The following ZNF639 variants were observed in gnomAD, a reference collection of about 807,000 sequenced individuals.
ZNF639 encodes zinc finger protein 639.
Under a neutral mutation model 39.8 loss-of-function variants are expected in ZNF639, and 20 were observed. That is an observed-to-expected ratio of 0.50 (90% CI 0.35 to 0.73). ZNF639 has a LOEUF of 0.73. Among genes scored for constraint, ZNF639 ranks in the 30% least tolerant of loss-of-function variants. The pLI, the probability that ZNF639 is intolerant of heterozygous loss-of-function variation, is 0.00. For missense variants in ZNF639, 477 were observed against 566.2 expected, an observed-to-expected ratio of 0.84 and a Z score of 1.60; for synonymous variants, 176 against 189.8, an observed-to-expected ratio of 0.93 and a Z score of 0.60.
At position 179,338,478 on chromosome 3, in the gene ZNF639, TG is replaced by T. The variant is rs1711644835; in HGVS notation, c.*4057del. 6.6e-6 allele frequency: 1 copy of T among 152,240 alleles called. No homozygotes were observed. Among genetic ancestry groups the T allele is most frequent in the Non-Finnish European group, 1.5e-5 (1 of 68,044 alleles). The allele number at this position is 152,240 out of a possible 1,614,324, so 9.4% of individuals were successfully genotyped here. A position where few individuals can be genotyped will look rare whatever the true frequency, so the allele number is the denominator to read the frequency against. Reference sequence around the variant, plus strand: ...ACGTTTCTCTGAATTGTATATTATTTGTCAATTTCACAGTTTCTATAATCTA... The same window carrying T: ...ACGTTTCTCTGAATTGTATATTATTTTCAATTTCACAGTTTCTATAATCTA... On this transcript the variant is annotated 3_prime_UTR_variant, in exon 6 of 6. Coordinates refer to ENST00000496856, the MANE Select transcript of ZNF639 (RefSeq NM_001303426.2).
At chr3:179,329,909 C>CTTTTT (rs71181282) in intron 4 of ZNF639, 181 bp downstream of exon 4, 23 of 208,666 alleles carry the variant, frequency 1.1e-4, no homozygotes, top group African/African-American at 2.4e-4. Context: ...TTTAACTATT[C>CTTTTT]TTTTTTTTTT....
rs1010774607 is a variant in ZNF639, at chr3:179,337,236, G to A, written c.*2814G>A. 2 of 150,738 alleles carry A rather than the reference G, an allele frequency of 1.3e-5. No individual in the cohort carries two copies. The highest frequency in any genetic ancestry group is 4.9e-5 in the African/African-American group (2 of 40,890). 9.3% of individuals were successfully genotyped at this position (150,738 alleles called of 1,614,324 possible). ...AGATCGCGCCACCACATTCCAGCCT[G>A]GGTGACAGAGTGAGACTGTCTCAAA... On this transcript the variant is annotated 3_prime_UTR_variant, in exon 6 of 6. Transcript: ENST00000496856.
Position 179,334,425 on chromosome 3 carries a change from ATTCTC to A in ZNF639, c.*6_*10del, listed in dbSNP as rs771918145. On this transcript the variant is annotated 3_prime_UTR_variant, in exon 6 of 6. Coordinates refer to ENST00000496856, the MANE Select transcript of ZNF639 (RefSeq NM_001303426.2). ...TTCCAGTCCATGAGACAACTTGATT[ATTCTC>A]TTTAACTTACAGAATGTTAGTTTAA... 2.6e-6 allele frequency: 4 copies of A among 1,516,070 alleles called. No homozygotes were observed. Among genetic ancestry groups the A allele is most frequent in the Non-Finnish European group, 2.6e-6 (3 of 1,135,222 alleles). 93.9% of individuals were successfully genotyped at this position (1,516,070 alleles called of 1,614,324 possible). A position where few individuals can be genotyped will look rare whatever the true frequency, so the allele number is the denominator to read the frequency against.
chr3:179,322,929 G>A (rs1727357834), upstream of ZNF639: 3 of 985,006 alleles, frequency 3.0e-6, no homozygotes, highest in Admixed American at 1.2e-4. Context: ...CCGGGGCTGC[G>A]GGCCGGTGGT....
Position 179,333,628 on chromosome 3 carries a change from C to T in ZNF639, c.664C>T (p.His222Tyr). Reference protein sequence around the residue: ...NSKYFSDLKQHMILKHKRTDS... With the variant: ...NSKYFSDLKQYMILKHKRTDS... ...CAAATATTTTTCTGACTTAAAGCAGCATATGATCCTGAAGCATAAACGTAC... is the reference window on the plus strand; with the variant it reads ...CAAATATTTTTCTGACTTAAAGCAGTATATGATCCTGAAGCATAAACGTAC... The change falls in exon 6 of 6, where the codon CAT becomes TAT. Residue 222 changes from histidine to tyrosine, a missense_variant. By Grantham distance (83) the His-to-Tyr change is moderately conservative. Transcript: ENST00000496856. 6.2e-7 allele frequency: 1 copy of T among 1,614,144 alleles called. No individual in the cohort carries two copies. The highest frequency in any genetic ancestry group is 1.1e-5 in the South Asian group (1 of 91,086).
At position 179,334,096 on chromosome 3, in the gene ZNF639, G is replaced by T. The variant is rs774184463; in HGVS notation, c.1132G>T (p.Val378Leu). The change falls in exon 6 of 6, where the codon GTA becomes TTA. Residue 378 changes from valine to leucine, a missense_variant. Transcript: ENST00000496856. ...DKCKNFFVCQ[V>L]CGFRSRLHTN... The stretch of plus-strand genomic sequence containing the variant: ...ATGTAAAAACTTCTTTGTATGTCAA[G>T]TATGTGGTTTTCGGAGTAGACTTCA... 6.2e-7 allele frequency: 1 copy of T among 1,613,934 alleles called. No homozygotes were observed. The highest frequency in any genetic ancestry group is 1.7e-5 in the Admixed American group (1 of 59,998).
In ZNF639 at chr3:179,333,788, T is replaced by C. The variant is rs750083683; in HGVS notation, c.824T>C (p.Leu275Pro). ...TATAAGACAGTAATTTTTGAGAACC[T>C]CAGCCAGCACATTGCAGACACCCAT... Reference protein sequence around the residue: ...CDYKTVIFENLSQHIADTHFS... With the variant: ...CDYKTVIFENPSQHIADTHFS... Residue 275 changes from leucine (L) to proline (P), a missense_variant, in exon 6 of 6, where the codon CTC (leucine) becomes CCC (proline). Transcript: ENST00000496856. 1.2e-6 allele frequency: 2 copies of C among 1,614,178 alleles called. No homozygotes were observed. The highest frequency in any genetic ancestry group is 1.7e-6 in the Non-Finnish European group (2 of 1,180,036).
At chr3:179,331,636 G>C (rs755620303) in intron 4 of ZNF639, among the ~76,000 whole-genome samples, 1 of 151,974 alleles carries the variant, frequency 6.6e-6, no homozygotes, top group Non-Finnish European at 1.5e-5. Flanking sequence ...TTAGCTGGGC[G>C]TGGTGGTGCG....
chr3:179,329,143 C>T (rs1047213551), intron 3 of ZNF639, among the ~76,000 whole-genome samples: 3 of 152,202 alleles, frequency 2.0e-5, no homozygotes, highest in African/African-American at 7.2e-5. Context: ...ACCCAGCCTA[C>T]ACATTCTTCA....
At chr3:179,325,905 C>T (rs190326711) in intron 1 of ZNF639, among the ~76,000 whole-genome samples, 1 of 151,376 alleles carries the variant, frequency 6.6e-6, no homozygotes, top group Admixed American at 6.6e-5. Context: ...ATAAAATAAA[C>T]TGAAAAAGCA....
In ZNF639 at chr3:179,334,079, ACTT is replaced by A; in HGVS notation, c.1119_1121del (p.Phe374del). 6.2e-7 allele frequency: 1 copy of A among 1,613,694 alleles called. No homozygotes were observed. The highest frequency in any genetic ancestry group is 8.5e-7 in the Non-Finnish European group (1 of 1,179,770). On this transcript the variant is annotated inframe_deletion, in exon 6 of 6. Coordinates refer to ENST00000496856, the MANE Select transcript of ZNF639 (RefSeq NM_001303426.2). ...AAAATTACCTTTGACAAATGTAAAA[ACTT>A]CTTTGTATGTCAAGTATGTGGTTTT...
chr3:179,337,817 G>GA lies in ZNF639; in HGVS notation c.*3397dup. On this transcript the variant is annotated 3_prime_UTR_variant, in exon 6 of 6. Coordinates refer to ENST00000496856, the MANE Select transcript of ZNF639 (RefSeq NM_001303426.2). ...GAGCCTTGCTCTGTCGCCCAGACTG[G>GA]AATGCAGTGGCGTGATCTTGGCTCG... 1 of 152,240 alleles carries GA rather than the reference G, an allele frequency of 6.6e-6. No homozygotes were observed. Among genetic ancestry groups the GA allele is most frequent in the East Asian group, 1.9e-4 (1 of 5,176 alleles). The allele number at this position is 152,240 out of a possible 1,614,324, so 9.4% of individuals were successfully genotyped here.
rs2108487641 is a variant in ZNF639, at chr3:179,323,114, T to TG, written c.-256dup. The TG allele has an allele frequency of 1.0e-6, 1 of 984,288 alleles. No individual in the cohort carries two copies. The highest frequency in any genetic ancestry group is 1.2e-6 in the Non-Finnish European group (1 of 829,726). The allele number at this position is 984,288 out of a possible 1,614,324, so 61.0% of individuals were successfully genotyped here. A position where few individuals can be genotyped will look rare whatever the true frequency, so the allele number is the denominator to read the frequency against. ...GGCCAGGGGCCTGGCGCTCAGGGCG[T>TG]GGGGCGCGCGGGGAGGGAGAGGGGT... is the stretch of plus-strand genomic sequence containing the variant. On this transcript the variant is annotated 5_prime_UTR_variant, in exon 1 of 6. Transcript: ENST00000496856.
chr3:179,323,474 C>T (rs1727397397), intron 1 of ZNF639, among the ~76,000 whole-genome samples, 183 bp downstream of exon 1: 2 of 152,204 alleles, frequency 1.3e-5, no homozygotes, highest in African/African-American at 2.4e-5. Flanking sequence ...GTTCCACCCC[C>T]TGCGCAGGAC....
Position 179,334,441 on chromosome 3 carries a change from A to G in ZNF639, c.*19A>G, listed in dbSNP as rs1221902095. The G allele has an allele frequency of 1.4e-6, 2 of 1,478,108 alleles. No homozygotes were observed. The highest frequency in any genetic ancestry group is 1.5e-5 in the South Asian group (1 of 66,798). 91.6% of individuals were successfully genotyped at this position (1,478,108 alleles called of 1,614,324 possible). ...AACTTGATTATTCTCTTTAACTTAC[A>G]GAATGTTAGTTTAAAATAATAAATT... On this transcript the variant is annotated 3_prime_UTR_variant, in exon 6 of 6. Transcript: ENST00000496856.
chr3:179,324,262 G>T (rs1471375827), intron 1 of ZNF639, among the ~76,000 whole-genome samples: 1 of 152,160 alleles, frequency 6.6e-6, no homozygotes, highest in East Asian at 1.9e-4. Context: ...ACTGCCTGTT[G>T]TATGTATTCT....
At position 179,334,342 on chromosome 3, in the gene ZNF639, C is replaced by T. The variant is rs1187185713; in HGVS notation, c.1378C>T (p.His460Tyr). Residue 460 changes from histidine to tyrosine, a missense_variant, in exon 6 of 6, where the codon CAT becomes TAT. His to Tyr is a moderately conservative substitution (Grantham distance 83, BLOSUM62 2). Coordinates refer to ENST00000496856, the MANE Select transcript of ZNF639 (RefSeq NM_001303426.2). ...TTTCAAGCATTCAGCTGACTTGCCT[C>T]ATAAATGTAGTGACTGCTTGATGAG... ...LDFKHSADLP[H>Y]KCSDCLMRFG... is the part of the protein sequence containing the mutation. 1 of 1,611,658 alleles carries T rather than the reference C, an allele frequency of 6.2e-7. No individual in the cohort carries two copies. Among genetic ancestry groups the T allele is most frequent in the Non-Finnish European group, 8.5e-7 (1 of 1,179,114 alleles).
rs1711644113 is a variant in ZNF639 at position 179,338,472 on chromosome 3, ATTAT to A, written c.*4053_*4056del. 1 of 152,136 alleles carries A rather than the reference ATTAT, an allele frequency of 6.6e-6. No homozygotes were observed. Among genetic ancestry groups the A allele is most frequent in the South Asian group, 2.1e-4 (1 of 4,832 alleles). 9.4% of individuals were successfully genotyped at this position (152,136 alleles called of 1,614,324 possible). A position where few individuals can be genotyped will look rare whatever the true frequency, so the allele number is the denominator to read the frequency against. On this transcript the variant is annotated 3_prime_UTR_variant, in exon 6 of 6. Coordinates refer to ENST00000496856, the MANE Select transcript of ZNF639 (RefSeq NM_001303426.2). The stretch of plus-strand genomic sequence containing the variant: ...TTTCTTACGTTTCTCTGAATTGTAT[ATTAT>A]TTGTCAATTTCACAGTTTCTATAAT...
In ZNF639 at chr3:179,336,369, A is replaced by G. The variant is rs921357468; in HGVS notation, c.*1947A>G. ...GTTTATTGATATAAGTGGAAGATCA[A>G]TTTATGACCAATGATTTTCCCACTT... On this transcript the variant is annotated 3_prime_UTR_variant, in exon 6 of 6. Coordinates refer to ENST00000496856, the MANE Select transcript of ZNF639 (RefSeq NM_001303426.2). 1 of 152,338 alleles carries G rather than the reference A, an allele frequency of 6.6e-6. No individual in the cohort carries two copies. Among genetic ancestry groups the G allele is most frequent in the Middle Eastern group, 3.4e-3 (1 of 294 alleles). The allele number at this position is 152,338 out of a possible 1,614,324, so 9.4% of individuals were successfully genotyped here.
Sources: allele counts gnomAD v4.1 joint callset (sites outside exome capture counted in the v4.1 genomes callset), GRCh38; gene constraint gnomAD v4.1.1; transcripts MANE v1.5; gene names NCBI Gene and HGNC (gene_info 2026-07-23, HGNC 2026-07-21).